AR: variants seen among roughly 807,000 people sequenced by gnomAD.
AR encodes dihydrotestosterone receptor.
In AR, 8 loss-of-function variants were observed where a neutral mutation model predicts 53.9. The observed-to-expected ratio is 0.15, with a 90% confidence interval of 0.09 to 0.27. The LOEUF is 0.27. Among genes scored for constraint, AR ranks in the 10% least tolerant of loss-of-function variants. AR has a pLI of 1.00. For synonymous variants in AR, 359 were observed against 316.4 expected (o/e 1.13, Z -1.43); for missense variants, 639 against 742.5 (o/e 0.86, Z 1.62).
chrX:67,645,086 C>CTAGA (rs1480948695), intron 2 of AR, among the ~76,000 whole-genome samples: 2 of 111,318 alleles, frequency 1.8e-5, no homozygotes, highest in African/African-American at 6.5e-5. Flanking sequence ...GAGCACTCAT[C>CTAGA]TAGAGGTAGT....
At chrX:67,706,114 T>G (rs1411793298) in intron 3 of AR, among the ~76,000 whole-genome samples, 21 of 111,794 alleles carry the variant, frequency 1.9e-4, no homozygotes, top group Non-Finnish European at 3.6e-4. Flanking sequence ...TCTCTTTTTT[T>G]GTTGTGTCTC....
chrX:67,649,116 C>T (rs1411009462), intron 2 of AR, among the ~76,000 whole-genome samples: 1 of 111,415 alleles, frequency 9.0e-6, no homozygotes, highest in African/African-American at 3.3e-5. Context: ...TGAGTGAGAA[C>T]ATGCAGTGTT....
chrX:67,680,297 G>A (rs1365024734), intron 2 of AR, among the ~76,000 whole-genome samples: 1 of 111,821 alleles, frequency 8.9e-6, no homozygotes, highest in Admixed American at 9.5e-5. Context: ...TACTTTAAAT[G>A]TACAGCAGGG....
intron 2 of AR, among the ~76,000 whole-genome samples, chrX:67,667,931 T>C (rs1453846256): frequency 8.9e-6 from 1 of 112,096 alleles, no homozygotes; most frequent in African/African-American, 3.2e-5. Context: ...GCAACTTTAC[T>C]GAATTTGTTT....
At position 67,677,052 on chromosome X, in the gene AR, A is replaced by G. The variant is rs140635794; in HGVS notation, c.1769-8958A>G. On this transcript the variant is annotated intron_variant, in intron 2 of 7. Transcript: ENST00000374690. ...CCTCTGGCCTCCCTTGACCCATTCC[A>G]TTCATTATCTAAGGGACTCCAAGCC... 3.6e-3 allele frequency among the ~76,000 whole-genome samples: 393 copies of G among 110,606 alleles called. 3 individuals are homozygous for G. Among genetic ancestry groups the G allele is most frequent in the Non-Finnish European group, 6.0e-3 (317 of 52,919 alleles).
Position 67,657,410 on chromosome X carries a change from G to T in AR, c.1768+14003G>T, listed in dbSNP as rs185311234. Reference sequence around the variant, plus strand: ...CTCCTCCTCCATGAAGCATTCACCCGACTGAAAGGTACCCCGCCCTCTCCT... The same window carrying T: ...CTCCTCCTCCATGAAGCATTCACCCTACTGAAAGGTACCCCGCCCTCTCCT... On this transcript the variant is annotated intron_variant, in intron 2 of 7. Coordinates refer to ENST00000374690, the MANE Select transcript of AR (RefSeq NM_000044.6). Among the ~76,000 whole-genome samples the T allele has an allele frequency of 3.6e-5, 4 of 110,671 alleles. No homozygotes were observed. The South Asian group carries it at 1.6e-3, about 43-fold the overall frequency.
intron 3 of AR, among the ~76,000 whole-genome samples, chrX:67,702,441 C>G (rs1304376671): frequency 2.7e-5 from 3 of 111,959 alleles, no homozygotes; most frequent in Non-Finnish European, 5.6e-5. Context: ...GTTCAGGCCT[C>G]TAACTCAAGA....
chrX:67,594,025 T>C (rs2147368670), intron 1 of AR, among the ~76,000 whole-genome samples: 1 of 112,246 alleles, frequency 8.9e-6, no homozygotes, highest in South Asian at 3.7e-4. Flanking sequence ...GACAAAGTCT[T>C]ATTCTGTCTC....
chrX:67,589,697 C>A (rs1490061741), intron 1 of AR, among the ~76,000 whole-genome samples: 2 of 111,999 alleles, frequency 1.8e-5, no homozygotes, highest in Non-Finnish European at 3.8e-5. Context: ...GGAGTCCTCT[C>A]AAGGCAGAGA....
chrX:67,688,106 G>A (rs1602256847), intron 3 of AR, among the ~76,000 whole-genome samples: 1 of 111,829 alleles, frequency 8.9e-6, no homozygotes, highest in East Asian at 2.8e-4. Context: ...AAGACAAGCT[G>A]AGAAGTGCTG....
intron 1 of AR, among the ~76,000 whole-genome samples, chrX:67,603,365 C>G (rs1233357255): frequency 1.8e-5 from 2 of 111,535 alleles, no homozygotes; most frequent in Non-Finnish European, 3.8e-5. Context: ...ATGGGTCACA[C>G]TAACTCTACT....
intron 1 of AR, among the ~76,000 whole-genome samples, chrX:67,583,642 G>T (rs1260282287): frequency 8.9e-6 from 1 of 111,763 alleles, no homozygotes; most frequent in Non-Finnish European, 1.9e-5. Context: ...GACTTATTCA[G>T]ATTCAAGTCT....
At chrX:67,592,945 TA>T (rs1922905330) in intron 1 of AR, among the ~76,000 whole-genome samples, 2 of 111,618 alleles carry the variant, frequency 1.8e-5, no homozygotes, top group African/African-American at 3.3e-5. Flanking sequence ...TTTCTAACTT[TA>T]AAAAAACAAG....
At chrX:67,563,242 T>TGTA (rs1330436535) in intron 1 of AR, among the ~76,000 whole-genome samples, 3 of 111,025 alleles carry the variant, frequency 2.7e-5, no homozygotes, top group Non-Finnish European at 3.8e-5. Context: ...AGAGTCAAAG[T>TGTA]GTAGTATGTT....
chrX:67,556,679 T>C (rs1921068504), intron 1 of AR, among the ~76,000 whole-genome samples: 1 of 111,411 alleles, frequency 9.0e-6, no homozygotes, highest in Non-Finnish European at 1.9e-5. Flanking sequence ...TCACAGAGTG[T>C]AGGGTATAGA....
At chrX:67,664,534 G>C (rs764887465) in intron 2 of AR, among the ~76,000 whole-genome samples, 60 of 112,054 alleles carry the variant, frequency 5.4e-4, no homozygotes, top group Non-Finnish European at 1.1e-3. Flanking sequence ...CTACTTGGGG[G>C]TGCCTCCCAG....
chrX:67,587,196 TG>T (rs1414276874), intron 1 of AR, among the ~76,000 whole-genome samples: 1 of 112,476 alleles, frequency 8.9e-6, no homozygotes, highest in African/African-American at 3.2e-5. Context: ...TTCTGTCTAC[TG>T]GGTCACACTG....
chrX:67,643,173 T>A (rs761774549), intron 1 of AR, 83 bp from the exon 2 acceptor site: 43 of 1,099,444 alleles, frequency 3.9e-5, no homozygotes, highest in Non-Finnish European at 5.3e-5. Flanking sequence ...TGCCTGCAGG[T>A]TAATGCTGAA....
intron 2 of AR, among the ~76,000 whole-genome samples, chrX:67,674,584 C>G (rs1019287977): frequency 1.8e-5 from 2 of 111,338 alleles, no homozygotes; most frequent in African/African-American, 3.3e-5. Context: ...ACCACCACCC[C>G]CATGTTCATG....
Sources: gnomAD v4.1 joint callset for allele counts (sites outside exome capture counted in the v4.1 genomes callset) on GRCh38, gnomAD v4.1.1 for gene constraint, MANE v1.5 for transcripts, NCBI Gene and HGNC (gene_info 2026-07-23, HGNC 2026-07-21) for gene names.